The following NQO2 variants were observed in gnomAD, a reference collection of about 807,000 sequenced individuals.
The protein encoded by NQO2 is N-ribosyldihydronicotinamide:quinone dehydrogenase 2, also known as ribosyldihydronicotinamide dehydrogenase [quinone].
In NQO2, 18 loss-of-function variants were observed where a neutral mutation model predicts 22.0. That is an observed-to-expected ratio of 0.82 (90% CI 0.56 to 1.21). The LOEUF is 1.21. NQO2 is among the 50% of genes most tolerant of loss of function. The pLI, the probability that NQO2 is intolerant of heterozygous loss-of-function variation, is 0.00. For synonymous variants in NQO2, 106 were observed against 110.8 expected (o/e 0.96, Z 0.28); for missense variants, 267 against 286.9 (o/e 0.93, Z 0.50).
intron 1 of NQO2, among the ~76,000 whole-genome samples, chr6:3,005,480 T>C (rs900972853): frequency 6.6e-6 from 1 of 152,204 alleles, no homozygotes; most frequent in Non-Finnish European, 1.5e-5. Context: ...GATTTGCATT[T>C]CCCTAATGAT....
At position 3,004,941 on chromosome 6, in the gene NQO2, C is replaced by T. The variant is rs559021596; in HGVS notation, c.-85-1527C>T. 3.0e-3 allele frequency among the ~76,000 whole-genome samples: 453 copies of T among 152,046 alleles called. 2 individuals carry two copies. Among genetic ancestry groups the T allele is most frequent in the African/African-American group, 0.01 (428 of 41,482 alleles). Reference sequence around the variant, plus strand: ...TCCCGAGTAGCTGGGATTACAGGTGCACACCACCACGCCCGGCTAATTTTT... The same window carrying T: ...TCCCGAGTAGCTGGGATTACAGGTGTACACCACCACGCCCGGCTAATTTTT... On this transcript the variant is annotated intron_variant, in intron 1 of 6. Coordinates refer to ENST00000380455, the MANE Select transcript of NQO2 (RefSeq NM_000904.6).
At chr6:3,008,467 T>C (rs1757025455) in intron 2 of NQO2, among the ~76,000 whole-genome samples, 1 of 149,174 alleles carries the variant, frequency 6.7e-6, no homozygotes, top group Non-Finnish European at 1.5e-5. Context: ...TTGGTGTTTC[T>C]GGCCAAGTGC....
chr6:3,002,222 A>G, intron 1 of NQO2: 5 of 985,454 alleles, frequency 5.1e-6, no homozygotes, highest in Non-Finnish European at 4.8e-6. Flanking sequence ...ATTTCGGGCA[A>G]TCACTTTGGG....
intron 1 of NQO2, among the ~76,000 whole-genome samples, chr6:3,000,519 C>T (rs998686694): frequency 7.3e-5 from 11 of 151,064 alleles, no homozygotes; most frequent in African/African-American, 2.2e-4. Flanking sequence ...AACCTATAAT[C>T]TCTCTGGGAA....
intron 1 of NQO2, among the ~76,000 whole-genome samples, chr6:3,005,319 G>A (rs1480441215): frequency 6.6e-6 from 1 of 152,092 alleles, no homozygotes; most frequent in African/African-American, 2.4e-5. Context: ...AATTTTTGGG[G>A]GCACAGCACC....
At chr6:3,002,753 T>A (rs1249618719) in intron 1 of NQO2, among the ~76,000 whole-genome samples, 1 of 152,110 alleles carries the variant, frequency 6.6e-6, no homozygotes, top group Non-Finnish European at 1.5e-5. Context: ...CACTCTTTTT[T>A]TTTTTGAACC....
intron 1 of NQO2, chr6:3,005,535 A>G (rs960241718): frequency 2.2e-6 from 1 of 455,938 alleles, no homozygotes; most frequent in Non-Finnish European, 2.9e-6. Flanking sequence ...CCATTCATAC[A>G]TCTTTGGAGA....
intron 2 of NQO2, among the ~76,000 whole-genome samples, chr6:3,008,959 G>A (rs1226209511): frequency 6.6e-6 from 1 of 151,172 alleles, no homozygotes; most frequent in Non-Finnish European, 1.5e-5. Flanking sequence ...AGGACCACGG[G>A]ACGGGGCGAA....
Position 3,004,235 on chromosome 6 carries a change from C to T in NQO2, c.-85-2233C>T, listed in dbSNP as rs566913164. The stretch of plus-strand genomic sequence containing the variant: ...AGGAAATGTAGTGCTTACCTGTACA[C>T]GTGGATTCCTGGAATCAATTCAGGG... On this transcript the variant is annotated intron_variant, in intron 1 of 6. Coordinates refer to ENST00000380455, the MANE Select transcript of NQO2 (RefSeq NM_000904.6). 2.3e-5 allele frequency: 15 copies of T among 666,452 alleles called. No individual in the cohort carries two copies. The African/African-American group carries it at 2.6e-4, about 12-fold the overall frequency. 41.3% of individuals were successfully genotyped at this position (666,452 alleles called of 1,614,324 possible). A position where few individuals can be genotyped will look rare whatever the true frequency, so the allele number is the denominator to read the frequency against.
intron 4 of NQO2, among the ~76,000 whole-genome samples, chr6:3,014,446 G>A (rs948273893): frequency 2.6e-5 from 4 of 152,130 alleles, no homozygotes; most frequent in African/African-American, 7.2e-5. Context: ...GCAGAGCCAC[G>A]CTGAGCTCTC....
rs1168533593 is a variant in NQO2 at position 3,012,678 on chromosome 6, T to C, written c.303+4T>C. ...GGCTGACCTAGTGATATTTCAGGTT[T>C]GTTTTTCTCTAATTAATATATTGAA... On this transcript the variant is annotated splice_donor_region_variant and intron_variant, in intron 4 of 6. Coordinates refer to ENST00000380455, the MANE Select transcript of NQO2 (RefSeq NM_000904.6). 1.2e-6 allele frequency: 2 copies of C among 1,611,460 alleles called. No homozygotes were observed. The highest frequency in any genetic ancestry group is 1.3e-5 in the African/African-American group (1 of 74,692).
rs1345582928 is a variant in NQO2 at position 3,006,480 on chromosome 6, G to A, written c.-73G>A. The A allele has an allele frequency of 9.3e-6, 15 of 1,610,552 alleles. No individual in the cohort carries two copies. The South Asian group carries it at 1.0e-4, about 11-fold the overall frequency. On this transcript the variant is annotated 5_prime_UTR_variant, in exon 2 of 7. Coordinates refer to ENST00000380455, the MANE Select transcript of NQO2 (RefSeq NM_000904.6). The surrounding 1 kb of genome is among the most constrained non-coding windows in gnomAD (Gnocchi z 4.0). ...TTTTGTCTTCCAGATTGCTGGACTC[G>A]CTGAAGAGAGACTACGCAGGAAAGC...
rs1293709604 is a variant in NQO2 at position 3,016,989 on chromosome 6, G to A, written c.519+4G>A. 2.5e-6 allele frequency: 4 copies of A among 1,613,234 alleles called. No individual in the cohort carries two copies. Among genetic ancestry groups the A allele is most frequent in the Non-Finnish European group, 3.4e-6 (4 of 1,179,816 alleles). On this transcript the variant is annotated splice_donor_region_variant and intron_variant, in intron 6 of 6. Coordinates refer to ENST00000380455, the MANE Select transcript of NQO2 (RefSeq NM_000904.6). ...ATACTTCCTGTGGCCACTCCAGGTA[G>A]ACCAGCTGCGAGTGGCTCCCTTGCT...
intron 6 of NQO2, among the ~76,000 whole-genome samples, chr6:3,018,470 A>G (rs9501909): frequency 0.51 from 77,274 of 152,086 alleles, 19,757 homozygotes; most frequent in South Asian, 0.57. Flanking sequence ...GCACCACTGC[A>G]CTCCAGCCTG....
intron 5 of NQO2, 78 bp from the exon 6 acceptor site, chr6:3,016,806 G>A (rs1757341294): frequency 1.3e-6 from 2 of 1,568,734 alleles, no homozygotes; most frequent in Non-Finnish European, 1.7e-6. Flanking sequence ...GCTGTGCTGA[G>A]CCCGTGTGCT....
At position 3,006,352 on chromosome 6, in the gene NQO2, G is replaced by T. The variant is rs568629340; in HGVS notation, c.-85-116G>T. Reference sequence around the variant, plus strand: ...GAAGATTCCTGGCCTCTCTTGAGAGGTCTTTCTCTGATGTGTTTGCGTGTC... The same window carrying T: ...GAAGATTCCTGGCCTCTCTTGAGAGTTCTTTCTCTGATGTGTTTGCGTGTC... On this transcript the variant is annotated intron_variant, in intron 1 of 6. Transcript: ENST00000380455. This position sits in a 1 kb window ranked among gnomAD's most constrained non-coding sequence, Gnocchi z 4.0. 2.5e-5 allele frequency: 35 copies of T among 1,398,992 alleles called. 1 individual carries two copies. The African/African-American group carries it at 4.4e-4, about 18-fold the overall frequency. The allele number at this position is 1,398,992 out of a possible 1,614,324, so 86.7% of individuals were successfully genotyped here.
chr6:3,006,817 A>G lies in NQO2; in HGVS notation c.7+258A>G, dbSNP rs1320202543. 8 of 453,804 alleles carry G rather than the reference A, an allele frequency of 1.8e-5. No individual in the cohort carries two copies. Among genetic ancestry groups the G allele is most frequent in the East Asian group, 3.5e-5 (1 of 28,888 alleles). The allele number at this position is 453,804 out of a possible 1,614,324, so 28.1% of individuals were successfully genotyped here. A position where few individuals can be genotyped will look rare whatever the true frequency, so the allele number is the denominator to read the frequency against. ...ATTGTTCCTTTCGACTCCCTCCAGA[A>G]TTTAGGTTCCTCAAAAGTGGGGCCC... is the stretch of plus-strand genomic sequence containing the variant. On this transcript the variant is annotated intron_variant, in intron 2 of 6. Coordinates refer to ENST00000380455, the MANE Select transcript of NQO2 (RefSeq NM_000904.6). This position sits in a 1 kb window ranked among gnomAD's most constrained non-coding sequence, Gnocchi z 4.0.
chr6:3,010,427 G>C (rs1757103954), intron 3 of NQO2, among the ~76,000 whole-genome samples: 1 of 151,668 alleles, frequency 6.6e-6, no homozygotes, highest in South Asian at 2.1e-4. Context: ...TAAGAGATTG[G>C]ACTATCATAT....
At chr6:3,010,611 C>T (rs903886705) in intron 3 of NQO2, among the ~76,000 whole-genome samples, 4 of 152,092 alleles carry the variant, frequency 2.6e-5, no homozygotes, top group Non-Finnish European at 5.9e-5. Context: ...CCACAGGAAG[C>T]ATCAGGAGTG....
Sources: gnomAD v4.1 joint callset for allele counts (sites outside exome capture counted in the v4.1 genomes callset) on GRCh38, gnomAD v4.1.1 for gene constraint, Gnocchi (gnomAD v3.1) non-coding constraint, MANE v1.5 for transcripts, NCBI Gene and HGNC (gene_info 2026-07-23, HGNC 2026-07-21) for gene names.